Variants in TACR1 observed in about 807,000 individuals in gnomAD.
TACR1 encodes the protein substance-P receptor.
A neutral mutation model predicts 35.8 loss-of-function variants in TACR1; 25 were observed. The ratio of observed to expected loss-of-function variants is 0.70; its 90% CI spans 0.51 to 0.98. TACR1 has a LOEUF of 0.98. Ranked by LOEUF, TACR1 falls within the 50% of genes least tolerant of loss-of-function variation. The pLI, the probability that TACR1 is intolerant of heterozygous loss-of-function variation, is 0.00. For synonymous variants in TACR1, 195 were observed against 206.7 expected (o/e 0.94, Z 0.48); for missense variants, 478 against 522.9 (o/e 0.91, Z 0.84).
chr2:75,053,823 T>C (rs890350623), intron 2 of TACR1, 68 bp from the exon 3 acceptor site: 65 of 1,592,402 alleles, frequency 4.1e-5, no homozygotes, highest in African/African-American at 5.4e-5. Context: ...ATTTTTGTTA[T>C]TGTTATTGCA....
At chr2:75,105,753 C>T (rs903473823) in intron 2 of TACR1, among the ~76,000 whole-genome samples, 4 of 151,992 alleles carry the variant, frequency 2.6e-5, no homozygotes, top group African/African-American at 9.7e-5. Context: ...AACTCTACCT[C>T]TGTTTTTTTC....
chr2:75,124,265 G>T (rs1049683637), intron 1 of TACR1, among the ~76,000 whole-genome samples: 11 of 152,166 alleles, frequency 7.2e-5, no homozygotes, highest in Admixed American at 7.2e-4. Flanking sequence ...TTTTCTTGTA[G>T]GCAGAGTGAA....
chr2:75,154,817 G>T (rs781510231), intron 1 of TACR1, among the ~76,000 whole-genome samples: 1 of 152,126 alleles, frequency 6.6e-6, no homozygotes, highest in Admixed American at 6.5e-5. Context: ...CTTCTCCACA[G>T]CACTGCTTAG....
At chr2:75,133,295 A>T (rs1200704768) in intron 1 of TACR1, among the ~76,000 whole-genome samples, 1 of 152,194 alleles carries the variant, frequency 6.6e-6, no homozygotes, top group Non-Finnish European at 1.5e-5. Flanking sequence ...AGCAATCAGG[A>T]TATCTAGTCT....
At chr2:75,114,843 A>G (rs769471104) in intron 2 of TACR1, among the ~76,000 whole-genome samples, 2 of 152,180 alleles carry the variant, frequency 1.3e-5, no homozygotes, top group South Asian at 2.1e-4. Context: ...TTATGATAAT[A>G]TTATATTAAT....
chr2:75,091,278 G>A (rs2103853717), intron 2 of TACR1, among the ~76,000 whole-genome samples: 1 of 151,166 alleles, frequency 6.6e-6, no homozygotes, highest in South Asian at 2.1e-4. Context: ...GTGAACTCGG[G>A]AAATTACTCA....
At chr2:75,144,174 A>T (rs755617072) in intron 1 of TACR1, among the ~76,000 whole-genome samples, 1 of 152,218 alleles carries the variant, frequency 6.6e-6, no homozygotes, top group Non-Finnish European at 1.5e-5. Context: ...GTGGTCTTAC[A>T]TAAGTATACA....
intron 2 of TACR1, among the ~76,000 whole-genome samples, chr2:75,119,948 C>T (rs544306420): frequency 3.1e-4 from 47 of 152,246 alleles, no homozygotes; most frequent in Admixed American, 1.4e-3. Flanking sequence ...GGCAGCTACC[C>T]GTGGAGATTA....
In TACR1 at chr2:75,077,930, A is replaced by C. The variant is rs549121963; in HGVS notation, c.585-24175T>G. Among the ~76,000 whole-genome samples the C allele has an allele frequency of 2.6e-5, 4 of 152,346 alleles. No individual in the cohort carries two copies. In the South Asian group the frequency reaches 8.3e-4, roughly 32 times the overall value. On this transcript the variant is annotated intron_variant, in intron 2 of 4. Transcript: ENST00000305249. ...TTCTTCCCATAATCAAACTTAAATC[A>C]GTGAGCTCAAGTTGGAAAGCTCATT...
At chr2:75,121,777 C>T (rs1180400137) in intron 1 of TACR1, among the ~76,000 whole-genome samples, 1 of 152,176 alleles carries the variant, frequency 6.6e-6, no homozygotes, top group East Asian at 1.9e-4. Flanking sequence ...GGGCCTTTGG[C>T]ATTTAAATAT....
intron 1 of TACR1, among the ~76,000 whole-genome samples, chr2:75,174,234 G>A (rs1281026038): frequency 6.6e-6 from 1 of 152,198 alleles, no homozygotes; most frequent in Non-Finnish European, 1.5e-5. Flanking sequence ...ATTTTCTACT[G>A]AAAGCACTTG....
At chr2:75,089,206 G>A (rs1298391793) in intron 2 of TACR1, among the ~76,000 whole-genome samples, 1 of 152,142 alleles carries the variant, frequency 6.6e-6, no homozygotes, top group African/African-American at 2.4e-5. Flanking sequence ...TTATATAGTA[G>A]GTACAGAATG....
Position 75,051,434 on chromosome 2 carries a change from A to G in TACR1, c.749T>C (p.Met250Thr). ...VSAKRKVVKM[M>T]IVVVCTFAIC... is the part of the protein sequence containing the mutation. Reference sequence around the variant, plus strand: ...GGCGAAGGTGCACACCACGACAATCATCATTTTGACCACCTGGCAAGAGGG... The same window carrying G: ...GGCGAAGGTGCACACCACGACAATCGTCATTTTGACCACCTGGCAAGAGGG... The change falls in exon 4 of 5, where the codon ATG becomes ACG. Residue 250 changes from methionine (M) to threonine (T), a missense_variant. By Grantham distance (81) the Met-to-Thr change is moderately conservative (BLOSUM62 -1). Coordinates refer to ENST00000305249, the MANE Select transcript of TACR1 (RefSeq NM_001058.4). 6.2e-7 allele frequency: 1 copy of G among 1,614,018 alleles called. No homozygotes were observed. The highest frequency in any genetic ancestry group is 8.5e-7 in the Non-Finnish European group (1 of 1,179,932).
intron 1 of TACR1, among the ~76,000 whole-genome samples, chr2:75,197,865 G>A (rs185553319): frequency 6.6e-6 from 1 of 152,294 alleles, no homozygotes; most frequent in Admixed American, 6.5e-5. Flanking sequence ...CTTAAGGATA[G>A]CATAACTGTC....
chr2:75,150,909 CTTG>C (rs1674655511), intron 1 of TACR1, among the ~76,000 whole-genome samples: 1 of 152,192 alleles, frequency 6.6e-6, no homozygotes, highest in Admixed American at 6.5e-5. Flanking sequence ...AGATGAGGAA[CTTG>C]TTGGGAACTG....
chr2:75,187,370 C>T (rs1387564126), intron 1 of TACR1: 1 of 151,172 alleles, frequency 6.6e-6, no homozygotes, highest in Non-Finnish European at 1.5e-5. Flanking sequence ...GGTGACAGAT[C>T]CCCACCACAG....
chr2:75,197,345 C>T (rs1342018190), intron 1 of TACR1, among the ~76,000 whole-genome samples: 2 of 152,176 alleles, frequency 1.3e-5, no homozygotes, highest in South Asian at 2.1e-4. Flanking sequence ...TATAAACAAT[C>T]TTTATGCAAA....
intron 1 of TACR1, among the ~76,000 whole-genome samples, chr2:75,157,203 A>G (rs1255112294): frequency 1.3e-5 from 2 of 152,144 alleles, no homozygotes; most frequent in African/African-American, 4.8e-5. Flanking sequence ...ACCGTGGAGC[A>G]AACTGGTAAC....
At chr2:75,122,180 A>G (rs1260511431) in intron 1 of TACR1, among the ~76,000 whole-genome samples, 1 of 152,162 alleles carries the variant, frequency 6.6e-6, no homozygotes, top group African/African-American at 2.4e-5. Flanking sequence ...TCAATACCTT[A>G]GAGTCTTAGG....
Sources: allele counts gnomAD v4.1 joint callset (sites outside exome capture counted in the v4.1 genomes callset), GRCh38; gene constraint gnomAD v4.1.1; transcripts MANE v1.5; gene names NCBI Gene and HGNC (gene_info 2026-07-23, HGNC 2026-07-21).